Variants in ATP5MF observed in about 807,000 individuals in gnomAD.
ATP5MF encodes ATP synthase F(0) complex subunit f, mitochondrial.
ATP5MF carries 10 observed loss-of-function variants against 13.8 expected under a neutral mutation model. The observed-to-expected ratio is 0.72, with a 90% confidence interval of 0.45 to 1.23. ATP5MF has a LOEUF of 1.23. Among genes scored for constraint, ATP5MF ranks in the 50% most tolerant of loss-of-function variants. The pLI is 0.00. For synonymous variants in ATP5MF, 40 were observed against 45.8 expected (o/e 0.87, Z 0.51); for missense variants, 122 against 118.2 (o/e 1.03, Z -0.15).
Position 99,460,133 on chromosome 7 carries a change from A to G in ATP5MF, c.92T>C (p.Leu31Ser), listed in dbSNP as rs574504620. 6.2e-7 allele frequency: 1 copy of G among 1,614,190 alleles called. No individual in the cohort carries two copies. The highest frequency in any genetic ancestry group is 1.3e-5 in the African/African-American group (1 of 75,058). Residue 31 changes from leucine to serine, a missense_variant, in exon 2 of 4, where the codon TTG becomes TCG. Physicochemically the swap from Leu to Ser is moderately radical, Grantham distance 145. Transcript: ENST00000292475. ...VKLGELPSWI[L>S]MRDFSPSGIF... ...GCCACTAGGACTGAAGTCCCGCATC[A>G]AGATCCAGCTTGGCAGCTCCCCCAG...
chr7:99,459,142 C>A lies in ATP5MF; in HGVS notation c.256+5G>T. 1 of 1,610,052 alleles carries A rather than the reference C, an allele frequency of 6.2e-7. No homozygotes were observed. Among genetic ancestry groups the A allele is most frequent in the Non-Finnish European group, 8.5e-7 (1 of 1,176,964 alleles). On this transcript the variant is annotated splice_donor_5th_base_variant and intron_variant, in intron 3 of 3. Transcript: ENST00000292475. The stretch of plus-strand genomic sequence containing the variant: ...CTAAAGGCAAGACGCCGCAGAGGCA[C>A]TCACTGAGATGCTTGTAGGAAAAGG...
At chr7:99,465,266 A>G (rs1292446255) in intron 1 of ATP5MF, among the ~76,000 whole-genome samples, 2 of 152,094 alleles carry the variant, frequency 1.3e-5, no homozygotes, top group Non-Finnish European at 2.9e-5. Flanking sequence ...TCTCAAAAAA[A>G]AAATGATAAA....
At chr7:99,459,541 C>G (rs1798504556) in intron 2 of ATP5MF, 2 of 389,966 alleles carry the variant, frequency 5.1e-6, no homozygotes, top group African/African-American at 2.1e-5. Flanking sequence ...TCCTGAGTAG[C>G]TGGGACTACA....
chr7:99,464,830 T>C (rs1383747136), intron 1 of ATP5MF, among the ~76,000 whole-genome samples: 1 of 151,228 alleles, frequency 6.6e-6, no homozygotes, highest in Non-Finnish European at 1.5e-5. Flanking sequence ...CGGGCGTAGG[T>C]ACTGGTGTGT....
At chr7:99,465,878 A>G (rs924927143) in intron 1 of ATP5MF, among the ~76,000 whole-genome samples, 1 of 152,222 alleles carries the variant, frequency 6.6e-6, no homozygotes, top group Non-Finnish European at 1.5e-5. Context: ...CCAGGCCCAG[A>G]AGCGCGTGCC....
chr7:99,460,138 C>T lies in ATP5MF; in HGVS notation c.87G>A (p.Trp29Ter). 1.9e-6 allele frequency: 3 copies of T among 1,614,186 alleles called. No homozygotes were observed. The highest frequency in any genetic ancestry group is 2.5e-6 in the Non-Finnish European group (3 of 1,180,012). ...TAGGACTGAAGTCCCGCATCAAGAT[C>T]CAGCTTGGCAGCTCCCCCAGTTTGA... Reference protein sequence around the residue: ...LEVKLGELPSWILMRDFSPSG... With the variant: ...LEVKLGELPS The change falls in exon 2 of 4, where the codon TGG becomes TGA. Residue 29 changes from tryptophan to a stop codon, truncating the protein, a stop_gained. Transcript: ENST00000292475. LOFTEE classifies it high-confidence loss of function.
At chr7:99,465,075 C>A (rs55942267) in intron 1 of ATP5MF, among the ~76,000 whole-genome samples, 13,482 of 151,936 alleles carry the variant, frequency 0.089, 984 homozygotes, top group African/African-American at 0.2. Flanking sequence ...GCCTGGCCAA[C>A]GTGGTGAAAG....
Position 99,459,355 on chromosome 7 carries a change from T to C in ATP5MF, c.140-92A>G, listed in dbSNP as rs576989287. On this transcript the variant is annotated intron_variant, in intron 2 of 3. Coordinates refer to ENST00000292475, the MANE Select transcript of ATP5MF (RefSeq NM_004889.5). ...TGAGTCTGGCTGACATTCAGGGACC[T>C]AGTCCTGCTCTGGCTGTTTAAGCCC... 5.3e-5 allele frequency: 50 copies of C among 937,668 alleles called. 1 individual carries two copies. In the South Asian group the frequency reaches 6.3e-4, roughly 12 times the overall value. 58.1% of individuals were successfully genotyped at this position (937,668 alleles called of 1,614,324 possible).
chr7:99,459,963 C>G, intron 2 of ATP5MF, 123 bp downstream of exon 2: 2 of 1,128,856 alleles, frequency 1.8e-6, no homozygotes, highest in African/African-American at 1.6e-5. Context: ...TCCCTGTCAT[C>G]CTCTACATAA....
intron 2 of ATP5MF, 171 bp downstream of exon 2, chr7:99,459,915 G>T: frequency 1.4e-6 from 1 of 700,506 alleles, no homozygotes; most frequent in Non-Finnish European, 2.4e-6. Context: ...GCCTTTGAAA[G>T]GGCCAATCAA....
chr7:99,461,719 C>T lies in ATP5MF; in HGVS notation c.32-1526G>A, dbSNP rs61245232. Reference sequence around the variant, plus strand: ...ACCTGCCCAGGCTGGAGTGCAGTGGCATGATCTCGGCTCACTGCAACCTCC... The same window carrying T: ...ACCTGCCCAGGCTGGAGTGCAGTGGTATGATCTCGGCTCACTGCAACCTCC... On this transcript the variant is annotated intron_variant, in intron 1 of 3. Coordinates refer to ENST00000292475, the MANE Select transcript of ATP5MF (RefSeq NM_004889.5). Among the ~76,000 whole-genome samples, 487 of 151,788 alleles carry T rather than the reference C, an allele frequency of 3.2e-3. 3 individuals carry two copies. Among genetic ancestry groups the T allele is most frequent in the African/African-American group, 0.011 (445 of 41,420 alleles).
At chr7:99,460,790 A>C (rs1000603314) in intron 1 of ATP5MF, among the ~76,000 whole-genome samples, 4 of 152,114 alleles carry the variant, frequency 2.6e-5, no homozygotes, top group African/African-American at 7.2e-5. Flanking sequence ...GACTTGACGC[A>C]CTTGTTTACT....
intron 1 of ATP5MF, among the ~76,000 whole-genome samples, chr7:99,464,897 G>GGCAGAGGTT (rs1248978568): frequency 2.0e-5 from 3 of 151,650 alleles, no homozygotes; most frequent in Non-Finnish European, 1.5e-5. Context: ...GAACCTGGGA[G>GGCAGAGGTT]GCAGAGGTTG....
chr7:99,458,746 C>A (rs1798455241), intron 3 of ATP5MF, among the ~76,000 whole-genome samples: 1 of 152,128 alleles, frequency 6.6e-6, no homozygotes, highest in East Asian at 1.9e-4. Flanking sequence ...GCCAATCTCC[C>A]ACCAGACAAG....
chr7:99,462,397 G>A (rs1420595605), intron 1 of ATP5MF, among the ~76,000 whole-genome samples: 5 of 151,786 alleles, frequency 3.3e-5, no homozygotes, highest in African/African-American at 1.2e-4. Flanking sequence ...GAACCTGGGA[G>A]GCGGAGCTTG....
chr7:99,463,894 C>T (rs1053632693), intron 1 of ATP5MF, among the ~76,000 whole-genome samples: 1 of 152,226 alleles, frequency 6.6e-6, no homozygotes, highest in Admixed American at 6.5e-5. Flanking sequence ...TTGCCAACCG[C>T]GATCTTATCT....
chr7:99,459,414 A>C (rs541201235), intron 2 of ATP5MF, 151 bp from the exon 3 acceptor site: 2 of 649,582 alleles, frequency 3.1e-6, no homozygotes, highest in Non-Finnish European at 2.8e-6. Context: ...TAAAGATGAC[A>C]AGCACAAATG....
intron 1 of ATP5MF, among the ~76,000 whole-genome samples, chr7:99,464,823 G>A (rs543567914): frequency 6.6e-6 from 1 of 151,962 alleles, no homozygotes; most frequent in South Asian, 2.1e-4. Context: ...AATTAGCCGG[G>A]CGTAGGTACT....
chr7:99,458,428 C>A, intron 3 of ATP5MF, 73 bp from the exon 4 acceptor site: 1 of 1,474,670 alleles, frequency 6.8e-7, no homozygotes, highest in Non-Finnish European at 9.3e-7. Flanking sequence ...AGGAAGCAGG[C>A]TGAGATCACA....
Sources: gnomAD v4.1 joint callset for allele counts (sites outside exome capture counted in the v4.1 genomes callset) on GRCh38, gnomAD v4.1.1 for gene constraint, MANE v1.5 for transcripts, NCBI Gene and HGNC (gene_info 2026-07-23, HGNC 2026-07-21) for gene names.